Variants in KCNC2 observed in about 807,000 individuals in gnomAD.
The protein encoded by KCNC2 is voltage-gated potassium channel KCNC2.
In KCNC2, 21 loss-of-function variants were observed where a neutral mutation model predicts 44.5. The ratio of observed to expected loss-of-function variants is 0.47; its 90% CI spans 0.33 to 0.68. KCNC2 has a LOEUF of 0.68. KCNC2 is among the 30% of genes least tolerant of loss of function. The pLI is 0.01. For synonymous variants in KCNC2, 391 were observed against 339.1 expected, an observed-to-expected ratio of 1.15 and a Z score of -1.68; for missense variants, 589 against 826.2, an observed-to-expected ratio of 0.71 and a Z score of 3.52.
intron 2 of KCNC2, among the ~76,000 whole-genome samples, chr12:75,105,284 GA>G (rs201213259): frequency 2.2e-4 from 33 of 150,494 alleles, no homozygotes; most frequent in East Asian, 5.8e-4. Flanking sequence ...CAAGTGTAAT[GA>G]AAAAAAAATG....
chr12:75,169,805 A>T (rs1163483985), intron 2 of KCNC2, among the ~76,000 whole-genome samples: 2 of 151,650 alleles, frequency 1.3e-5, no homozygotes, highest in Non-Finnish European at 3.0e-5. Context: ...AAGCATCTAC[A>T]TCTTTTTCTC....
Position 75,051,233 on chromosome 12 carries a change from T to G in KCNC2, c.772A>C (p.Lys258Gln). The G allele has an allele frequency of 6.2e-7, 1 of 1,611,416 alleles. No homozygotes were observed. Among genetic ancestry groups the G allele is most frequent in the Non-Finnish European group, 8.5e-7 (1 of 1,177,800 alleles). Residue 258 changes from lysine to glutamine, a missense_variant, in exon 3 of 5, where the codon AAA (lysine) becomes CAA (glutamine). Coordinates refer to ENST00000549446, the MANE Select transcript of KCNC2 (RefSeq NM_139137.4). ...LETHEAFNIVKNKTEPVINGT... is the reference protein window; with the variant it reads ...LETHEAFNIVQNKTEPVINGT... ...TTGATGACTGGTTCTGTCTTGTTTT[T>G]AACAATATTGAAAGCTTCATGTGTT...
intron 2 of KCNC2, among the ~76,000 whole-genome samples, chr12:75,171,698 C>T (rs909042815): frequency 4.6e-5 from 7 of 151,632 alleles, no homozygotes; most frequent in Non-Finnish European, 5.9e-5. Flanking sequence ...TGTTTGACAG[C>T]GCAGTAGAAT....
At chr12:75,135,809 A>T (rs534575442) in intron 2 of KCNC2, among the ~76,000 whole-genome samples, 1 of 152,120 alleles carries the variant, frequency 6.6e-6, no homozygotes, top group African/African-American at 2.4e-5. Context: ...TTTCATTATA[A>T]GTCAATATTT....
chr12:75,047,954 T>C (rs1880714360), intron 4 of KCNC2, among the ~76,000 whole-genome samples, 199 bp downstream of exon 4: 1 of 152,090 alleles, frequency 6.6e-6, no homozygotes, highest in South Asian at 2.1e-4. Context: ...GGATGAGATG[T>C]CTTTCAGATA....
chr12:75,179,500 G>T (rs1398652364), intron 2 of KCNC2, among the ~76,000 whole-genome samples: 3 of 151,412 alleles, frequency 2.0e-5, no homozygotes, highest in African/African-American at 7.3e-5. Flanking sequence ...AACTCAACAT[G>T]TTTTTTTATT....
chr12:75,097,156 C>T (rs1031106294), intron 2 of KCNC2, among the ~76,000 whole-genome samples: 2 of 152,032 alleles, frequency 1.3e-5, no homozygotes, highest in African/African-American at 2.4e-5. Context: ...TCCAAAAAGG[C>T]TACATACTGT....
chr12:75,043,432 T>C, intron 4 of KCNC2, 191 bp from the exon 5 acceptor site: 1 of 1,348,410 alleles, frequency 7.4e-7, no homozygotes, highest in Non-Finnish European at 9.6e-7. Context: ...TTGAAAAGAT[T>C]AAACCAGCCA....
intron 2 of KCNC2, among the ~76,000 whole-genome samples, chr12:75,157,272 C>T (rs1037614782): frequency 1.3e-5 from 2 of 151,804 alleles, no homozygotes; most frequent in Non-Finnish European, 2.9e-5. Flanking sequence ...TGTCCTTAGT[C>T]CTTGCCCTTC....
chr12:75,077,420 C>T (rs1592818701), intron 2 of KCNC2, among the ~76,000 whole-genome samples: 1 of 152,170 alleles, frequency 6.6e-6, no homozygotes, highest in South Asian at 2.1e-4. Flanking sequence ...TATAACTTCA[C>T]AGGCTGTCTG....
chr12:75,043,723 C>A, intron 4 of KCNC2: 5 of 1,429,392 alleles, frequency 3.5e-6, no homozygotes, highest in Non-Finnish European at 4.6e-6. Context: ...ATTTAATCTT[C>A]CAGCTTTATA....
At chr12:75,061,566 TACACAC>T (rs59052402) in intron 2 of KCNC2, among the ~76,000 whole-genome samples, 28,805 of 143,258 alleles carry the variant, frequency 0.2, 3,293 homozygotes, top group African/African-American at 0.3. Context: ...AAGTGACAAG[TACACAC>T]ACACACACAC....
chr12:75,202,232 A>G (rs760759206), intron 2 of KCNC2, among the ~76,000 whole-genome samples: 6 of 151,806 alleles, frequency 4.0e-5, no homozygotes, highest in Non-Finnish European at 8.9e-5. Flanking sequence ...TAATCTATCC[A>G]ACTATATTCA....
At chr12:75,066,541 G>A (rs932244566) in intron 2 of KCNC2, among the ~76,000 whole-genome samples, 4 of 152,156 alleles carry the variant, frequency 2.6e-5, no homozygotes, top group Non-Finnish European at 5.9e-5. Context: ...TTACTGAGAT[G>A]AATAGCACTT....
intron 2 of KCNC2, among the ~76,000 whole-genome samples, chr12:75,054,230 T>C (rs1240001378): frequency 3.0e-5 from 4 of 133,436 alleles, no homozygotes; most frequent in African/African-American, 5.5e-5. Flanking sequence ...TGTCTCCAAT[T>C]AAAAAAAAAA....
At chr12:75,205,927 G>A (rs61932912) in intron 2 of KCNC2, among the ~76,000 whole-genome samples, 11,665 of 146,270 alleles carry the variant, frequency 0.08, 524 homozygotes, top group Admixed American at 0.14. Flanking sequence ...CCAAGTTGAA[G>A]CTACTAATTC....
At chr12:75,184,675 T>C (rs570405150) in intron 2 of KCNC2, among the ~76,000 whole-genome samples, 1 of 152,310 alleles carries the variant, frequency 6.6e-6, no homozygotes, top group African/African-American at 2.4e-5. Flanking sequence ...TTTATTTCTT[T>C]TCTGAATTAA....
intron 2 of KCNC2, among the ~76,000 whole-genome samples, chr12:75,094,222 T>C (rs1885731395): frequency 6.6e-6 from 1 of 151,598 alleles, no homozygotes; most frequent in Non-Finnish European, 1.5e-5. Context: ...TTTAAACATA[T>C]ACAAATGATA....
intron 2 of KCNC2, among the ~76,000 whole-genome samples, chr12:75,192,317 T>C (rs1175258273): frequency 2.6e-5 from 4 of 152,232 alleles, no homozygotes; most frequent in Non-Finnish European, 5.9e-5. Context: ...AGCAGGACAA[T>C]CAGTGCCATC....
Sources: gnomAD v4.1 joint callset for allele counts (sites outside exome capture counted in the v4.1 genomes callset) on GRCh38, gnomAD v4.1.1 for gene constraint, MANE v1.5 for transcripts, NCBI Gene and HGNC (gene_info 2026-07-23, HGNC 2026-07-21) for gene names.